The following GALNTL6 variants were observed in gnomAD, a reference collection of about 807,000 sequenced individuals.
The protein encoded by GALNTL6 is polypeptide N-acetylgalactosaminyltransferase like 6.
GALNTL6 carries 46 observed loss-of-function variants against 73.7 expected under a neutral mutation model. That is an observed-to-expected ratio of 0.62 (90% CI 0.49 to 0.80). The LOEUF is 0.80. Ranked by LOEUF, GALNTL6 falls within the 30% of genes least tolerant of loss-of-function variation. GALNTL6 has a pLI of 0.00. For synonymous variants in GALNTL6, 259 were observed against 263.7 expected, an observed-to-expected ratio of 0.98 and a Z score of 0.17; for missense variants, 604 against 755.0, an observed-to-expected ratio of 0.80 and a Z score of 2.34.
chr4:172,871,611 A>AGTGTGTGTGTGT (rs5864173), intron 7 of GALNTL6, among the ~76,000 whole-genome samples: 15 of 137,512 alleles, frequency 1.1e-4, no homozygotes, highest in African/African-American at 4.0e-4. Context: ...TGTGTGTGAG[A>AGTGTGTGTGTGT]GTGTGTGTGT....
At chr4:172,877,263 T>C (rs931420091) in intron 7 of GALNTL6, among the ~76,000 whole-genome samples, 1 of 152,106 alleles carries the variant, frequency 6.6e-6, no homozygotes, top group African/African-American at 2.4e-5. Context: ...TGTCTGAAAA[T>C]GTGAGAAAGT....
intron 2 of GALNTL6, among the ~76,000 whole-genome samples, chr4:172,152,390 T>G (rs578075842): frequency 5.1e-4 from 78 of 152,282 alleles, no homozygotes; most frequent in African/African-American, 1.9e-3. Flanking sequence ...ACCATTGCCA[T>G]GGAGTTTGTA....
intron 2 of GALNTL6, among the ~76,000 whole-genome samples, chr4:171,910,341 T>G (rs1737437332): frequency 6.6e-6 from 1 of 151,966 alleles, no homozygotes; most frequent in Non-Finnish European, 1.5e-5. Flanking sequence ...TGTCACACAA[T>G]GGCAAAGTAG....
intron 3 of GALNTL6, among the ~76,000 whole-genome samples, chr4:172,255,946 C>G (rs757394646): frequency 1.3e-5 from 2 of 151,306 alleles, no homozygotes; most frequent in Non-Finnish European, 3.0e-5. Context: ...CTGCTATTTT[C>G]AGGCATTGTG....
At chr4:171,944,599 T>C (rs1738646486) in intron 2 of GALNTL6, among the ~76,000 whole-genome samples, 1 of 152,026 alleles carries the variant, frequency 6.6e-6, no homozygotes, top group Admixed American at 6.6e-5. Context: ...TTTAAATATA[T>C]TTATTGATTT....
At chr4:172,294,084 A>G (rs1434979308) in intron 3 of GALNTL6, among the ~76,000 whole-genome samples, 2 of 151,762 alleles carry the variant, frequency 1.3e-5, no homozygotes, top group Non-Finnish European at 2.9e-5. Flanking sequence ...AATGCTACAA[A>G]TAAGAGATTA....
In GALNTL6 at chr4:171,982,623, A is replaced by T. The variant is rs561660499; in HGVS notation, c.138+167905A>T. ...GAAAGTACTTTCGTTTGCTTCTTCC[A>T]GACGAGCTTGTTGGAGGTCCTCCAC... is the stretch of plus-strand genomic sequence containing the variant. On this transcript the variant is annotated intron_variant, in intron 2 of 12. Transcript: ENST00000506823. Among the ~76,000 whole-genome samples, 4 of 152,296 alleles carry T rather than the reference A, an allele frequency of 2.6e-5. No individual in the cohort carries two copies. The South Asian group carries it at 8.3e-4, about 32-fold the overall frequency.
At chr4:173,032,941 A>G (rs1476834243) in intron 12 of GALNTL6, among the ~76,000 whole-genome samples, 1 of 152,208 alleles carries the variant, frequency 6.6e-6, no homozygotes, top group Non-Finnish European at 1.5e-5. Flanking sequence ...GGTTTGCTGT[A>G]GCCAGCACCG....
At chr4:172,767,618 A>T (rs1738508385) in intron 5 of GALNTL6, among the ~76,000 whole-genome samples, 1 of 152,020 alleles carries the variant, frequency 6.6e-6, no homozygotes, top group African/African-American at 2.4e-5. Flanking sequence ...GTGAAGAAGA[A>T]AATAATTCTA....
intron 5 of GALNTL6, among the ~76,000 whole-genome samples, chr4:172,796,487 C>T (rs1218942935): frequency 6.6e-6 from 1 of 152,182 alleles, no homozygotes; most frequent in Non-Finnish European, 1.5e-5. Context: ...CACATATAGA[C>T]ACATTTATTA....
chr4:172,014,961 T>A (rs377637275), intron 2 of GALNTL6, among the ~76,000 whole-genome samples: 1 of 152,134 alleles, frequency 6.6e-6, no homozygotes, highest in Non-Finnish European at 1.5e-5. Context: ...AGACTCATAC[T>A]GTGACCTATC....
At chr4:171,978,910 G>T (rs1246436007) in intron 2 of GALNTL6, among the ~76,000 whole-genome samples, 1 of 152,078 alleles carries the variant, frequency 6.6e-6, no homozygotes, top group Non-Finnish European at 1.5e-5. Context: ...CAAAATAAGA[G>T]ATCTCTTCAT....
intron 2 of GALNTL6, among the ~76,000 whole-genome samples, chr4:171,949,635 C>T (rs1738808743): frequency 6.6e-6 from 1 of 151,746 alleles, no homozygotes; most frequent in African/African-American, 2.4e-5. Flanking sequence ...GATGAATGCA[C>T]CTACTAGAAT....
At chr4:172,821,442 G>T (rs1341485837) in intron 7 of GALNTL6, among the ~76,000 whole-genome samples, 1 of 152,150 alleles carries the variant, frequency 6.6e-6, no homozygotes, top group Admixed American at 6.5e-5. Context: ...GCTAAGTGAA[G>T]TAGTTTTGTC....
At chr4:172,907,303 C>G (rs1746952215) in intron 8 of GALNTL6, among the ~76,000 whole-genome samples, 1 of 151,634 alleles carries the variant, frequency 6.6e-6, no homozygotes, top group African/African-American at 2.4e-5. Flanking sequence ...CAGGGTAGCA[C>G]AAAAAATAGA....
intron 9 of GALNTL6, among the ~76,000 whole-genome samples, chr4:172,942,790 G>A (rs1748979314): frequency 6.6e-6 from 1 of 152,182 alleles, no homozygotes; most frequent in Non-Finnish European, 1.5e-5. Flanking sequence ...TGAGTCTGGA[G>A]GAACCAAGAC....
chr4:172,852,425 T>G (rs1386267459), intron 7 of GALNTL6, among the ~76,000 whole-genome samples: 2 of 152,140 alleles, frequency 1.3e-5, no homozygotes, highest in African/African-American at 4.8e-5. Flanking sequence ...CCACATCCCG[T>G]TGACTTAAAT....
intron 2 of GALNTL6, among the ~76,000 whole-genome samples, chr4:172,078,122 A>T (rs1731761851): frequency 6.6e-6 from 1 of 152,136 alleles, no homozygotes; most frequent in Non-Finnish European, 1.5e-5. Flanking sequence ...AAATGCCTGG[A>T]TGTCCAGGCA....
chr4:172,125,345 C>T (rs1236505098), intron 2 of GALNTL6, among the ~76,000 whole-genome samples: 1 of 152,108 alleles, frequency 6.6e-6, no homozygotes, highest in East Asian at 1.9e-4. Context: ...GAAGAAGCTG[C>T]AGTTTAGAAG....
Sources: allele counts gnomAD v4.1 joint callset (sites outside exome capture counted in the v4.1 genomes callset), GRCh38; gene constraint gnomAD v4.1.1; transcripts MANE v1.5; gene names NCBI Gene and HGNC (gene_info 2026-07-23, HGNC 2026-07-21).